Variants in RFFL observed in about 807,000 individuals in gnomAD.
The protein encoded by RFFL is E3 ubiquitin-protein ligase rififylin.
Under a neutral mutation model 40.4 loss-of-function variants are expected in RFFL, and 16 were observed. The observed-to-expected ratio is 0.40, with a 90% CI of 0.27 to 0.60. The LOEUF (loss-of-function observed/expected upper bound fraction) is 0.60, where lower values mean the gene tolerates loss of function less well. RFFL is among the 20% of genes least tolerant of loss of function. RFFL has a pLI of 0.47. For missense variants in RFFL, 367 were observed against 451.7 expected, an observed-to-expected ratio of 0.81 and a Z score of 1.70; for synonymous variants, 154 against 167.9, an observed-to-expected ratio of 0.92 and a Z score of 0.64.
chr17:35,084,789 G>A (rs1054531382), intron 1 of RFFL, among the ~76,000 whole-genome samples: 2 of 151,384 alleles, frequency 1.3e-5, no homozygotes, highest in East Asian at 1.9e-4. Flanking sequence ...CCAGCCGCTC[G>A]GGAGGCTGAG....
At chr17:35,075,983 A>ATTTTTT (rs1485493411) in intron 1 of RFFL, among the ~76,000 whole-genome samples, 2 of 124,696 alleles carry the variant, frequency 1.6e-5, no homozygotes, top group African/African-American at 6.7e-5. Context: ...CTATCAATTT[A>ATTTTTT]TTCTTTTTTT....
At chr17:35,068,249 C>G (rs2091330526), upstream of RFFL, among the ~76,000 whole-genome samples, 1 of 152,190 alleles carries the variant, frequency 6.6e-6, no homozygotes, top group African/African-American at 2.4e-5. Context: ...TGCTATATAG[C>G]TCATATGTCT....
intron 1 of RFFL, among the ~76,000 whole-genome samples, chr17:35,060,470 A>C (rs1170352146): frequency 6.6e-6 from 1 of 152,212 alleles, no homozygotes; most frequent in African/African-American, 2.4e-5. Context: ...GTCTTACCTA[A>C]ATGTATATAT....
chr17:35,015,331 A>G (rs1244586786), intron 5 of RFFL, among the ~76,000 whole-genome samples: 1 of 152,252 alleles, frequency 6.6e-6, no homozygotes, highest in African/African-American at 2.4e-5. Flanking sequence ...AGGATACTGT[A>G]TATGTGCAAT....
rs1253237430 is a variant in RFFL at position 35,011,698 on chromosome 17, C to T, written c.*270G>A. The T allele has an allele frequency of 7.3e-6, 3 of 411,278 alleles. No individual in the cohort carries two copies. Among genetic ancestry groups the T allele is most frequent in the Non-Finnish European group, 1.3e-5 (3 of 224,092 alleles). 25.5% of individuals were successfully genotyped at this position (411,278 alleles called of 1,614,324 possible). The stretch of plus-strand genomic sequence containing the variant: ...CCCAAGTTCTGGAAAGTTCTCTGTT[C>T]ATCAGTTACCATCATCACTCCAAGA... On this transcript the variant is annotated 3_prime_UTR_variant, in exon 7 of 7. Coordinates refer to ENST00000394597, the MANE Select transcript of RFFL (RefSeq NM_001017368.2).
intron 1 of RFFL, among the ~76,000 whole-genome samples, chr17:35,059,629 C>T (rs1326795385): frequency 6.6e-6 from 1 of 152,194 alleles, no homozygotes; most frequent in Non-Finnish European, 1.5e-5. Context: ...AAACATTTCC[C>T]CACTTTGATG....
At chr17:35,061,468 T>C (rs76020442) in intron 1 of RFFL, among the ~76,000 whole-genome samples, 295 of 152,250 alleles carry the variant, frequency 1.9e-3, no homozygotes, top group African/African-American at 6.8e-3. Flanking sequence ...GGCTGACTGA[T>C]TGATTTTTGG....
chr17:35,048,787 T>A (rs746357045), intron 1 of RFFL, among the ~76,000 whole-genome samples: 1 of 152,232 alleles, frequency 6.6e-6, no homozygotes, highest in African/African-American at 2.4e-5. Flanking sequence ...TGAAGTCAGA[T>A]AGGATTTGGT....
intron 2 of RFFL, 41 bp downstream of exon 2, chr17:35,026,333 T>C (rs1465605853): frequency 1.2e-6 from 2 of 1,603,076 alleles, no homozygotes; most frequent in African/African-American, 1.3e-5. Context: ...CCATGGTCCA[T>C]AGGCTGCAGT....
intron 1 of RFFL, among the ~76,000 whole-genome samples, chr17:35,050,661 C>CAAAA (rs1433147326): frequency 1.4e-5 from 1 of 73,866 alleles, no homozygotes; most frequent in Non-Finnish European, 2.9e-5. Flanking sequence ...CCAGGCTCTA[C>CAAAA]AAAAAAAAAA....
At chr17:35,027,475 A>T (rs2091049760) in intron 1 of RFFL, among the ~76,000 whole-genome samples, 1 of 152,208 alleles carries the variant, frequency 6.6e-6, no homozygotes, top group Non-Finnish European at 1.5e-5. Context: ...CTGTAATCCC[A>T]GCACTTTGGG....
chr17:35,022,023 A>G (rs1375773764), intron 2 of RFFL, among the ~76,000 whole-genome samples: 4 of 152,232 alleles, frequency 2.6e-5, no homozygotes, highest in African/African-American at 9.6e-5. Flanking sequence ...CACATTTATT[A>G]TTTAATTTGA....
At chr17:35,068,836 G>A (rs1429317096) in intron 1 of RFFL, among the ~76,000 whole-genome samples, 1 of 152,192 alleles carries the variant, frequency 6.6e-6, no homozygotes, top group Non-Finnish European at 1.5e-5. Context: ...TCAGCAACAT[G>A]ACCAAACTGC....
At position 35,040,373 on chromosome 17, in the gene RFFL, G is replaced by A. The variant is rs186584383; in HGVS notation, c.-8-13812C>T. Among the ~76,000 whole-genome samples the A allele has an allele frequency of 4.2e-3, 417 of 99,318 alleles. 2 individuals are homozygous for A. The highest frequency in any genetic ancestry group is 0.011 in the African/African-American group (397 of 34,662). 65.2% of individuals were successfully genotyped at this position (99,318 alleles called of 152,430 possible). On this transcript the variant is annotated intron_variant, in intron 1 of 6. Transcript: ENST00000394597. ...TCCCAGCACTTTGGGAGGCCAAGGC[G>A]GGCAGATCACTTGAGGTCGGGAGTT...
chr17:35,059,003 A>G (rs35960618), intron 1 of RFFL, among the ~76,000 whole-genome samples: 4,505 of 150,694 alleles, frequency 0.03, 219 homozygotes, highest in African/African-American at 0.1. Flanking sequence ...CATGTAAAAG[A>G]AGCTCGAGCT....
chr17:35,046,606 T>C (rs2091201624), intron 1 of RFFL, among the ~76,000 whole-genome samples: 1 of 152,166 alleles, frequency 6.6e-6, no homozygotes, highest in African/African-American at 2.4e-5. Context: ...CCACTAGCAA[T>C]AAGTGAGCTC....
At chr17:35,080,140 T>C (rs1298624899) in intron 1 of RFFL, among the ~76,000 whole-genome samples, 1 of 152,194 alleles carries the variant, frequency 6.6e-6, no homozygotes, top group Non-Finnish European at 1.5e-5. Flanking sequence ...AATTAGAACA[T>C]TCCTTTGCCC....
At chr17:35,068,561 C>T (rs2091332107), upstream of RFFL, among the ~76,000 whole-genome samples, 1 of 152,250 alleles carries the variant, frequency 6.6e-6, no homozygotes, top group Admixed American at 6.5e-5. Flanking sequence ...TCTGTCCCCA[C>T]TGGTGCAGTT....
At chr17:35,058,003 A>G (rs2091270436) in intron 1 of RFFL, among the ~76,000 whole-genome samples, 1 of 152,152 alleles carries the variant, frequency 6.6e-6, no homozygotes, top group Non-Finnish European at 1.5e-5. Flanking sequence ...CTAAAAAAAA[A>G]GTAATGAAGG....
Sources: allele counts gnomAD v4.1 joint callset (sites outside exome capture counted in the v4.1 genomes callset), GRCh38; gene constraint gnomAD v4.1.1; transcripts MANE v1.5; gene names NCBI Gene and HGNC (gene_info 2026-07-23, HGNC 2026-07-21).